CNTN3: variants seen among roughly 807,000 people sequenced by gnomAD.
CNTN3 encodes the protein contactin 3.
Under a neutral mutation model 119.1 loss-of-function variants are expected in CNTN3, and 60 were observed. The ratio of observed to expected loss-of-function variants is 0.50; its 90% CI spans 0.41 to 0.62. The LOEUF (loss-of-function observed/expected upper bound fraction) is 0.62, where lower values mean the gene tolerates loss of function less well. CNTN3 is among the 20% of genes least tolerant of loss of function. CNTN3 has a pLI of 0.00. For synonymous variants in CNTN3, 450 were observed against 438.7 expected, an observed-to-expected ratio of 1.03 and a Z score of -0.32; for missense variants, 1,101 against 1,242.4, an observed-to-expected ratio of 0.89 and a Z score of 1.71.
rs762215180 is a variant in CNTN3 at position 74,584,720 on chromosome 3, G to A, written c.-81+29671C>T. Among the ~76,000 whole-genome samples the A allele has an allele frequency of 4.6e-5, 7 of 152,192 alleles. No individual in the cohort carries two copies. In the South Asian group the frequency reaches 8.3e-4, roughly 18 times the overall value. ...CATAAGGTCTGCAATGTACTTTGAC[G>A]TGTTATATATGTATTATTGCATATG... On this transcript the variant is annotated intron_variant, in intron 1 of 22. Coordinates refer to ENST00000263665, the MANE Select transcript of CNTN3 (RefSeq NM_020872.3).
intron 4 of CNTN3, among the ~76,000 whole-genome samples, chr3:74,464,340 C>T (rs1702423155): frequency 6.6e-6 from 1 of 152,138 alleles, no homozygotes; most frequent in Admixed American, 6.6e-5. Context: ...TCATCTGTTA[C>T]TCCCTGAATA....
chr3:74,269,139 TCA>T (rs1161654136), intron 20 of CNTN3, among the ~76,000 whole-genome samples: 7 of 151,954 alleles, frequency 4.6e-5, no homozygotes, highest in Admixed American at 4.6e-4. Context: ...TTTCTAAACG[TCA>T]GTCATGTATC....
chr3:74,445,439 T>G (rs1702033920), intron 4 of CNTN3, among the ~76,000 whole-genome samples: 1 of 151,900 alleles, frequency 6.6e-6, no homozygotes, highest in African/African-American at 2.4e-5. Context: ...ATTTTTGTAT[T>G]TTTTAGTAGA....
At chr3:74,356,331 C>T (rs1185358208) in intron 11 of CNTN3, among the ~76,000 whole-genome samples, 1 of 152,040 alleles carries the variant, frequency 6.6e-6, no homozygotes, top group Non-Finnish European at 1.5e-5. Flanking sequence ...CCATGACTGG[C>T]CTCTGTACCT....
At chr3:74,299,605 A>G (rs1262694435) in intron 17 of CNTN3, among the ~76,000 whole-genome samples, 1 of 152,214 alleles carries the variant, frequency 6.6e-6, no homozygotes, top group Non-Finnish European at 1.5e-5. Context: ...TGAGGAAAAT[A>G]CATGCTAAAT....
rs73839732 is a variant in CNTN3, at chr3:74,484,740, G to A, written c.358+1716C>T. 4.3e-3 allele frequency among the ~76,000 whole-genome samples: 650 copies of A among 152,156 alleles called. 8 individuals are homozygous for A. The highest frequency in any genetic ancestry group is 0.015 in the African/African-American group (624 of 41,506). On this transcript the variant is annotated intron_variant, in intron 4 of 22. Coordinates refer to ENST00000263665, the MANE Select transcript of CNTN3 (RefSeq NM_020872.3). ...ACTCCCCAAAACCAGAAATTAGCCTGGCCACCTTCCTCTCCTCAGCAGCAC... is the reference window on the plus strand; with the variant it reads ...ACTCCCCAAAACCAGAAATTAGCCTAGCCACCTTCCTCTCCTCAGCAGCAC...
chr3:74,523,673 A>T (rs2107125649), intron 1 of CNTN3, among the ~76,000 whole-genome samples: 1 of 152,030 alleles, frequency 6.6e-6, no homozygotes, highest in Non-Finnish European at 1.5e-5. Context: ...TCTAGCAAAC[A>T]ATTGTGCAGT....
intron 13 of CNTN3, among the ~76,000 whole-genome samples, chr3:74,329,972 G>C (rs780052857): frequency 6.6e-6 from 1 of 152,164 alleles, no homozygotes; most frequent in Non-Finnish European, 1.5e-5. Context: ...CTCATGGCAG[G>C]AGAGAATGGG....
chr3:74,507,422 A>AG (rs2107095794), intron 2 of CNTN3, among the ~76,000 whole-genome samples: 1 of 498 alleles, frequency 2.0e-3, no homozygotes, highest in East Asian at 0.25. Context: ...CATCTCTAAG[A>AG]AAAAAAAAAA....
intron 17 of CNTN3, among the ~76,000 whole-genome samples, 177 bp from the exon 18 acceptor site, chr3:74,298,368 T>C (rs910310889): frequency 2.0e-5 from 3 of 152,254 alleles, no homozygotes; most frequent in South Asian, 4.2e-4. Context: ...TCAGCTGCTT[T>C]TAAACAGACA....
intron 13 of CNTN3, among the ~76,000 whole-genome samples, chr3:74,318,592 G>A (rs1702897468): frequency 6.6e-6 from 1 of 152,192 alleles, no homozygotes; most frequent in Admixed American, 6.5e-5. Flanking sequence ...GTTGGAGTTT[G>A]CTAGAGGTCC....
intron 11 of CNTN3, among the ~76,000 whole-genome samples, chr3:74,354,862 CA>C (rs1161835094): frequency 1.3e-5 from 2 of 152,096 alleles, no homozygotes; most frequent in East Asian, 3.9e-4. Flanking sequence ...GAGGCTGTAA[CA>C]CAGTTCTCTC....
At chr3:74,524,363 T>G (rs1270554333) in intron 1 of CNTN3, among the ~76,000 whole-genome samples, 1 of 151,826 alleles carries the variant, frequency 6.6e-6, no homozygotes. Flanking sequence ...GTTTATCAAC[T>G]ATTGCGAGTG....
intron 4 of CNTN3, among the ~76,000 whole-genome samples, chr3:74,450,246 A>C (rs1424275411): frequency 6.6e-6 from 1 of 152,096 alleles, no homozygotes; most frequent in Non-Finnish European, 1.5e-5. Context: ...AAACAAAACA[A>C]ATTTTTTTAA....
intron 13 of CNTN3, among the ~76,000 whole-genome samples, chr3:74,309,985 T>A (rs953345217): frequency 1.3e-5 from 2 of 152,222 alleles, no homozygotes; most frequent in Non-Finnish European, 2.9e-5. Flanking sequence ...TTGCTATAGA[T>A]ACATACATAA....
intron 1 of CNTN3, among the ~76,000 whole-genome samples, chr3:74,595,362 C>T (rs1246924734): frequency 6.6e-6 from 1 of 151,638 alleles, no homozygotes; most frequent in African/African-American, 2.4e-5. Context: ...ACATGAAGTC[C>T]TTGCCCATGC....
At chr3:74,413,985 C>T (rs1200343970) in intron 5 of CNTN3, among the ~76,000 whole-genome samples, 1 of 152,056 alleles carries the variant, frequency 6.6e-6, no homozygotes, top group East Asian at 1.9e-4. Flanking sequence ...GGGTGAGGTG[C>T]CAAGCAGTGC....
chr3:74,448,038 G>A (rs1361345431), intron 4 of CNTN3, among the ~76,000 whole-genome samples: 3 of 152,120 alleles, frequency 2.0e-5, no homozygotes, highest in Non-Finnish European at 4.4e-5. Flanking sequence ...CCTGCTTTAA[G>A]ATTTTCCAGG....
intron 1 of CNTN3, among the ~76,000 whole-genome samples, chr3:74,572,888 G>C (rs986153606): frequency 3.3e-5 from 5 of 152,214 alleles, no homozygotes; most frequent in African/African-American, 1.2e-4. Context: ...TAGAAAACTA[G>C]GAGGGTCTAA....
Sources: allele counts gnomAD v4.1 joint callset (sites outside exome capture counted in the v4.1 genomes callset), GRCh38; gene constraint gnomAD v4.1.1; transcripts MANE v1.5; gene names NCBI Gene and HGNC (gene_info 2026-07-23, HGNC 2026-07-21).